PTPRD: variants seen among roughly 807,000 people sequenced by gnomAD.
The protein encoded by PTPRD is receptor-type tyrosine-protein phosphatase delta.
A neutral mutation model predicts 214.5 loss-of-function variants in PTPRD; 34 were observed. That is an observed-to-expected ratio of 0.16 (90% CI 0.12 to 0.21). PTPRD has a LOEUF of 0.21. PTPRD is among the 10% of genes least tolerant of loss of function. PTPRD has a pLI of 1.00. For missense variants in PTPRD, 2,545 were observed against 2,398.7 expected, an observed-to-expected ratio of 1.06 and a Z score of -1.27; for synonymous variants, 1,128 against 845.7, an observed-to-expected ratio of 1.33 and a Z score of -5.79.
intron 3 of PTPRD, among the ~76,000 whole-genome samples, chr9:10,273,092 CT>C (rs2094505946): frequency 6.6e-6 from 1 of 152,176 alleles, no homozygotes; most frequent in Middle Eastern, 3.2e-3. Context: ...ATTTCCAGTT[CT>C]GATATTCAGA....
intron 8 of PTPRD, among the ~76,000 whole-genome samples, chr9:9,466,806 C>T (rs540637690): frequency 2.6e-5 from 4 of 152,134 alleles, no homozygotes; most frequent in African/African-American, 9.6e-5. Flanking sequence ...TTAATTGCTA[C>T]AATTTGTGAT....
At position 9,432,792 on chromosome 9, in the gene PTPRD, G is replaced by C. The variant is rs538430841; in HGVS notation, c.-236-35310C>G. On this transcript the variant is annotated intron_variant, in intron 8 of 45. Coordinates refer to ENST00000381196, the MANE Select transcript of PTPRD (RefSeq NM_002839.4). ...AGAATAAGCCCTCAAACATTTCAAA[G>C]AATCAATTTAATTTGATTTCTTATA... Among the ~76,000 whole-genome samples the C allele has an allele frequency of 2.0e-5, 3 of 152,212 alleles. No individual in the cohort carries two copies. In the South Asian group the frequency reaches 6.2e-4, roughly 32 times the overall value.
chr9:9,255,164 T>TC (rs2099977193), intron 9 of PTPRD, among the ~76,000 whole-genome samples: 2 of 152,080 alleles, frequency 1.3e-5, no homozygotes, highest in African/African-American at 4.8e-5. Context: ...ACATCTGTAG[T>TC]TCATTGCCAC....
intron 12 of PTPRD, among the ~76,000 whole-genome samples, chr9:8,657,427 C>G (rs868162636): frequency 9.9e-5 from 15 of 152,236 alleles, no homozygotes; most frequent in South Asian, 2.1e-4. Flanking sequence ...CCTTGGCCCC[C>G]CAAAGTGCTG....
At chr9:8,471,416 C>G (rs2096650496) in intron 30 of PTPRD, among the ~76,000 whole-genome samples, 1 of 152,048 alleles carries the variant, frequency 6.6e-6, no homozygotes, top group South Asian at 2.1e-4. Flanking sequence ...TCTACCACCA[C>G]AAGCTGCTGA....
chr9:8,851,227 G>C (rs531161900), intron 11 of PTPRD, among the ~76,000 whole-genome samples: 8 of 149,202 alleles, frequency 5.4e-5, no homozygotes, highest in African/African-American at 1.7e-4. Flanking sequence ...CACTTATTCT[G>C]CTTCAGTATT....
At chr9:9,293,714 C>A (rs1254138217) in intron 9 of PTPRD, among the ~76,000 whole-genome samples, 3 of 151,552 alleles carry the variant, frequency 2.0e-5, no homozygotes, top group African/African-American at 7.3e-5. Flanking sequence ...AACTCGACTG[C>A]TGGCAATCAG....
rs533784149 is a variant in PTPRD, at chr9:9,287,139, C to A, written c.-202-103776G>T. On this transcript the variant is annotated intron_variant, in intron 9 of 45. Transcript: ENST00000381196. ...ACTTAGGAGGCTGAGGCAGGAGAAT[C>A]GCTTGAACCTTGGAGCAGAAGGTTG... Among the ~76,000 whole-genome samples the A allele has an allele frequency of 4.6e-5, 7 of 151,036 alleles. No homozygotes were observed. The South Asian group carries it at 1.5e-3, about 32-fold the overall frequency.
intron 3 of PTPRD, among the ~76,000 whole-genome samples, chr9:10,061,982 A>C (rs992880861): frequency 1.3e-5 from 2 of 152,028 alleles, no homozygotes; most frequent in Non-Finnish European, 2.9e-5. Context: ...TCTAAGCCTT[A>C]ACAAGCCCTC....
intron 3 of PTPRD, among the ~76,000 whole-genome samples, chr9:10,277,892 C>T (rs1255271034): frequency 6.6e-6 from 1 of 152,132 alleles, no homozygotes; most frequent in Non-Finnish European, 1.5e-5. Context: ...GGCTCGGTGG[C>T]TCATGCCTGT....
intron 11 of PTPRD, among the ~76,000 whole-genome samples, chr9:8,856,771 A>G (rs772662620): frequency 2.6e-5 from 4 of 152,198 alleles, no homozygotes; most frequent in African/African-American, 9.6e-5. Context: ...ATCCTGGAAC[A>G]CCAAATTAAT....
At chr9:9,776,590 C>T (rs974926725) in intron 5 of PTPRD, among the ~76,000 whole-genome samples, 7 of 151,988 alleles carry the variant, frequency 4.6e-5, no homozygotes, top group African/African-American at 1.7e-4. Context: ...GCTCTTTTTG[C>T]ATGTGTTGAA....
chr9:9,040,502 T>A (rs903180171), intron 10 of PTPRD, among the ~76,000 whole-genome samples: 1 of 152,176 alleles, frequency 6.6e-6, no homozygotes, highest in Non-Finnish European at 1.5e-5. Flanking sequence ...CCAACTAATT[T>A]ACATATTCAA....
chr9:8,485,742 C>T lies in PTPRD; in HGVS notation c.3055+20G>A, dbSNP rs774964605. 3.7e-5 allele frequency: 58 copies of T among 1,585,284 alleles called. No individual in the cohort carries two copies. Among genetic ancestry groups the T allele is most frequent in the African/African-American group, 2.8e-4 (21 of 74,202 alleles). ...TGACAATCCTTTAAAGGAGGAAGGC[C>T]GTAAGCAGACAAATCCTACCTTGAT... On this transcript the variant is annotated intron_variant, in intron 28 of 45. Coordinates refer to ENST00000381196, the MANE Select transcript of PTPRD (RefSeq NM_002839.4).
intron 9 of PTPRD, among the ~76,000 whole-genome samples, chr9:9,192,493 C>A (rs548911746): frequency 3.9e-5 from 6 of 152,174 alleles, no homozygotes; most frequent in African/African-American, 1.4e-4. Flanking sequence ...TTAATCCCAA[C>A]AGAAATTTCT....
intron 9 of PTPRD, among the ~76,000 whole-genome samples, chr9:9,311,565 G>T (rs1959011102): frequency 6.6e-6 from 1 of 152,230 alleles, no homozygotes; most frequent in African/African-American, 2.4e-5. Context: ...AATAAGTAAA[G>T]GTTATTATCA....
At position 9,009,977 on chromosome 9, in the gene PTPRD, C is replaced by T. The variant is rs967607226; in HGVS notation, c.-104+8720G>A. 2.6e-5 allele frequency among the ~76,000 whole-genome samples: 4 copies of T among 152,102 alleles called. No individual in the cohort carries two copies. The South Asian group carries it at 6.2e-4, about 24-fold the overall frequency. ...GCTCCGTACAGTTCTCTTAGGCCTT[C>T]CCTTTAAAGGGACTTGGAGTTACAG... On this transcript the variant is annotated intron_variant, in intron 11 of 45. Transcript: ENST00000381196.
intron 10 of PTPRD, among the ~76,000 whole-genome samples, chr9:9,159,860 C>A (rs375358508): frequency 7.1e-4 from 108 of 152,074 alleles, no homozygotes; most frequent in African/African-American, 2.6e-3. Context: ...ACAGACACAT[C>A]GACCAACAAA....
intron 9 of PTPRD, among the ~76,000 whole-genome samples, chr9:9,220,030 G>C (rs1175240562): frequency 6.6e-6 from 1 of 152,042 alleles, no homozygotes; most frequent in Non-Finnish European, 1.5e-5. Flanking sequence ...CTCTTGAAAA[G>C]CTTAGAACTT....
Sources: allele counts gnomAD v4.1 joint callset (sites outside exome capture counted in the v4.1 genomes callset), GRCh38; gene constraint gnomAD v4.1.1; transcripts MANE v1.5; gene names NCBI Gene and HGNC (gene_info 2026-07-23, HGNC 2026-07-21).